The following IKBKB variants were observed in gnomAD, a reference collection of about 807,000 sequenced individuals.
IKBKB encodes inhibitor of nuclear factor kappa-B kinase subunit beta.
IKBKB carries 42 observed loss-of-function variants against 113.6 expected under a neutral mutation model. The ratio of observed to expected loss-of-function variants is 0.37; its 90% confidence interval spans 0.29 to 0.48. IKBKB has a LOEUF of 0.48. Ranked by LOEUF, IKBKB falls within the 20% of genes least tolerant of loss-of-function variation. IKBKB has a pLI of 0.99. For missense variants in IKBKB, 673 were observed against 939.7 expected, an observed-to-expected ratio of 0.72 and a Z score of 3.71; for synonymous variants, 296 against 361.3, an observed-to-expected ratio of 0.82 and a Z score of 2.05.
chr8:42,290,405 C>T, intron 4 of IKBKB, 132 bp downstream of exon 4: 1 of 676,066 alleles, frequency 1.5e-6, no homozygotes, highest in Admixed American at 2.3e-5. Context: ...AGCAGGGCTG[C>T]TTTGCCTCTC....
At chr8:42,283,752 A>T (rs1424248753) in intron 2 of IKBKB, among the ~76,000 whole-genome samples, 1 of 152,228 alleles carries the variant, frequency 6.6e-6, no homozygotes, top group Non-Finnish European at 1.5e-5. Flanking sequence ...AGTTTGTGGT[A>T]ATTTATTACG....
chr8:42,272,413 ATAAAT>A, intron 2 of IKBKB: 1 of 620,992 alleles, frequency 1.6e-6, no homozygotes, highest in Non-Finnish European at 2.8e-6. Context: ...TGTCACCTAA[ATAAAT>A]AGTAAAATAA....
chr8:42,331,309 T>C lies in IKBKB; in HGVS notation c.*330T>C, dbSNP rs773856585. 1.4e-6 allele frequency: 1 copy of C among 702,436 alleles called. No homozygotes were observed. Among genetic ancestry groups the C allele is most frequent in the South Asian group, 1.5e-5 (1 of 67,568 alleles). The allele number at this position is 702,436 out of a possible 1,614,324, so 43.5% of individuals were successfully genotyped here. A position where few individuals can be genotyped will look rare whatever the true frequency, so the allele number is the denominator to read the frequency against. On this transcript the variant is annotated 3_prime_UTR_variant, in exon 22 of 22. Transcript: ENST00000520810. ...CGCTGGCCCCACAAACGTTCAGGGG[T>C]ACAGCCATGGCAGCTCCTTCCTCTG...
At chr8:42,297,987 T>A (rs1332096228) in intron 5 of IKBKB, 1 of 562,090 alleles carries the variant, frequency 1.8e-6, no homozygotes. Flanking sequence ...AGACCATCAC[T>A]CCATGCTGAT....
At chr8:42,279,438 A>G (rs1385850117) in intron 2 of IKBKB, among the ~76,000 whole-genome samples, 1 of 152,224 alleles carries the variant, frequency 6.6e-6, no homozygotes, top group Non-Finnish European at 1.5e-5. Flanking sequence ...TAGAAGTTAC[A>G]TGAAAAAGCC....
At chr8:42,281,747 AG>A (rs1810409363) in intron 2 of IKBKB, among the ~76,000 whole-genome samples, 1 of 152,078 alleles carries the variant, frequency 6.6e-6, no homozygotes, top group Non-Finnish European at 1.5e-5. Context: ...CATTCATTTC[AG>A]GGGGTGGGGT....
Position 42,329,070 on chromosome 8 carries a change from T to C in IKBKB, c.2115-54T>C, listed in dbSNP as rs912619750. The stretch of plus-strand genomic sequence containing the variant: ...CTAGCATATTTTAAAATAGCAGTGT[T>C]AGCTCTGATAACTAATAATGACCAC... On this transcript the variant is annotated intron_variant, in intron 20 of 21. Transcript: ENST00000520810. 3.0e-5 allele frequency: 41 copies of C among 1,351,224 alleles called. No individual in the cohort carries two copies. In the South Asian group the frequency reaches 5.1e-4, roughly 17 times the overall value. The allele number at this position is 1,351,224 out of a possible 1,614,324, so 83.7% of individuals were successfully genotyped here. A position where few individuals can be genotyped will look rare whatever the true frequency, so the allele number is the denominator to read the frequency against.
chr8:42,314,286 A>G (rs762844997), intron 8 of IKBKB, 36 bp from the exon 9 acceptor site: 36 of 1,404,290 alleles, frequency 2.6e-5, no homozygotes, highest in Non-Finnish European at 3.5e-5. Context: ...CGTCATAGCA[A>G]CGTGTGACTG....
intron 12 of IKBKB, among the ~76,000 whole-genome samples, chr8:42,318,037 G>A (rs200648964): frequency 6.6e-6 from 1 of 152,126 alleles, no homozygotes. Flanking sequence ...TGAGGCAGGA[G>A]GATCACTTGA....
At position 42,293,624 on chromosome 8, in the gene IKBKB, A is replaced by G. The variant is rs983751503; in HGVS notation, c.388+112A>G. 2.1e-4 allele frequency: 331 copies of G among 1,585,530 alleles called. 1 individual carries two copies. The highest frequency in any genetic ancestry group is 2.6e-4 in the Non-Finnish European group (299 of 1,165,078). On this transcript the variant is annotated intron_variant, in intron 5 of 21. Coordinates refer to ENST00000520810, the MANE Select transcript of IKBKB (RefSeq NM_001556.3). ...ACTTCAATCCTTTGGTCTCTGTGGA[A>G]GGGGAATGGGAGCCCAGGGACGGGG... is the stretch of plus-strand genomic sequence containing the variant.
intron 2 of IKBKB, among the ~76,000 whole-genome samples, chr8:42,281,429 C>T (rs1477070253): frequency 1.3e-5 from 2 of 152,140 alleles, no homozygotes; most frequent in African/African-American, 2.4e-5. Flanking sequence ...GGGCTTCTAT[C>T]GCACCTTTAC....
In IKBKB at chr8:42,292,901, TG is replaced by T. The variant is rs564913727; in HGVS notation, c.319-540del. Among the ~76,000 whole-genome samples the T allele has an allele frequency of 7.9e-5, 12 of 152,248 alleles. No individual in the cohort carries two copies. In the South Asian group the frequency reaches 2.5e-3, roughly 32 times the overall value. On this transcript the variant is annotated intron_variant, in intron 4 of 21. Transcript: ENST00000520810. ...GATTCCACCCGTACTTACTCAGTGG[TG>T]GTGGTTAGTATTAAATGAGGTCACG...
intron 5 of IKBKB, among the ~76,000 whole-genome samples, chr8:42,300,289 G>C (rs560055760): frequency 6.6e-6 from 1 of 152,164 alleles, no homozygotes; most frequent in Non-Finnish European, 1.5e-5. Context: ...TGAGGGAACG[G>C]ACATCCTGTT....
At chr8:42,277,114 C>T (rs1809309543) in intron 2 of IKBKB, among the ~76,000 whole-genome samples, 1 of 151,718 alleles carries the variant, frequency 6.6e-6, no homozygotes, top group African/African-American at 2.4e-5. Context: ...TTGTGATCCG[C>T]CTGCTCGGCC....
chr8:42,283,987 G>A (rs1055174272), intron 2 of IKBKB, among the ~76,000 whole-genome samples: 3 of 152,182 alleles, frequency 2.0e-5, no homozygotes, highest in African/African-American at 4.8e-5. Context: ...GGGGCCATCG[G>A]TCTCTGTTTG....
rs566769929 is a variant in IKBKB at position 42,317,788 on chromosome 8, T to A, written c.1240+17T>A. 6.5e-7 allele frequency: 1 copy of A among 1,548,708 alleles called. No individual in the cohort carries two copies. Among genetic ancestry groups the A allele is most frequent in the African/African-American group, 1.4e-5 (1 of 73,734 alleles). On this transcript the variant is annotated intron_variant, in intron 12 of 21. Coordinates refer to ENST00000520810, the MANE Select transcript of IKBKB (RefSeq NM_001556.3). ...GCTGTATCCGTAAGAATTTGTTATGTTTTGTTTTTCTAAATAATCCGTTAT... is the reference window on the plus strand; with the variant it reads ...GCTGTATCCGTAAGAATTTGTTATGATTTGTTTTTCTAAATAATCCGTTAT...
intron 2 of IKBKB, among the ~76,000 whole-genome samples, chr8:42,273,156 C>T (rs914946353): frequency 1.3e-5 from 2 of 151,962 alleles, no homozygotes; most frequent in South Asian, 2.1e-4. Context: ...GTGGCTTACA[C>T]CTGTAATCCC....
intron 5 of IKBKB, among the ~76,000 whole-genome samples, chr8:42,295,598 G>A (rs143478177): frequency 1.1e-3 from 160 of 152,228 alleles, no homozygotes; most frequent in Non-Finnish European, 1.4e-3. Context: ...GGTGACGGGC[G>A]CCTGTAATCC....
At chr8:42,323,224 A>C (rs555187829) in intron 19 of IKBKB, among the ~76,000 whole-genome samples, 1 of 152,346 alleles carries the variant, frequency 6.6e-6, no homozygotes, top group East Asian at 1.9e-4. Flanking sequence ...GGTCACACTC[A>C]CAGGCTCCAG....
Sources: gnomAD v4.1 joint callset for allele counts (sites outside exome capture counted in the v4.1 genomes callset) on GRCh38, gnomAD v4.1.1 for gene constraint, MANE v1.5 for transcripts, NCBI Gene and HGNC (gene_info 2026-07-23, HGNC 2026-07-21) for gene names.